Variants in PANK1 observed in about 807,000 individuals in gnomAD.
The protein encoded by PANK1 is pantothenic acid kinase 1.
Under a neutral mutation model 40.1 loss-of-function variants are expected in PANK1, and 18 were observed. That is an observed-to-expected ratio of 0.45 (90% CI 0.31 to 0.67). The LOEUF (loss-of-function observed/expected upper bound fraction) is 0.67. PANK1 is among the 30% of genes least tolerant of loss of function. The probability of loss-of-function intolerance (pLI) is 0.06; values close to 1 mark genes in which losing one functional copy is unlikely to be tolerated. For synonymous variants in PANK1, 242 were observed against 237.7 expected (o/e 1.02, Z -0.17); for missense variants, 457 against 599.6 (o/e 0.76, Z 2.48).
chr10:89,635,179 T>A lies in PANK1; in HGVS notation c.292+9421A>T, dbSNP rs1244621008. ...AGAGATAAAATGTCCTCTATTAATA[T>A]AAATAAGACTGGTATTAATAGTGTC... On this transcript the variant is annotated intron_variant, in intron 1 of 6. Transcript: ENST00000307534. Among the ~76,000 whole-genome samples the A allele has an allele frequency of 3.3e-5, 5 of 152,148 alleles. No individual in the cohort carries two copies. The East Asian group carries it at 9.6e-4, about 29-fold the overall frequency.
chr10:89,588,359 TA>T (rs1298417181), intron 6 of PANK1, among the ~76,000 whole-genome samples: 1 of 152,238 alleles, frequency 6.6e-6, no homozygotes, highest in East Asian at 1.9e-4. Flanking sequence ...GATCATATGG[TA>T]ATTTTATTTT....
At chr10:89,642,595 C>A (rs1841999769) in intron 1 of PANK1, among the ~76,000 whole-genome samples, 1 of 152,204 alleles carries the variant, frequency 6.6e-6, no homozygotes, top group Non-Finnish European at 1.5e-5. Flanking sequence ...CCTAAATATT[C>A]CTCTTAGAGT....
chr10:89,614,090 A>T (rs7076397), intron 1 of PANK1: 1 of 450,608 alleles, frequency 2.2e-6, no homozygotes. Flanking sequence ...AGTCTTTTTC[A>T]GTGGAGTTTT....
chr10:89,617,294 A>G (rs996772144), intron 1 of PANK1, among the ~76,000 whole-genome samples: 1 of 152,268 alleles, frequency 6.6e-6, no homozygotes, highest in African/African-American at 2.4e-5. Flanking sequence ...GAGTGAAGAA[A>G]TGGATTCTGG....
rs1156284456 is a variant in PANK1, at chr10:89,583,368, G to A, written c.*1038C>T. ...AAAAACCTTTAACATTATTAAAGAT[G>A]TGTTGTTACAAAGTTCCTAGATATA... On this transcript the variant is annotated 3_prime_UTR_variant, in exon 7 of 7. Coordinates refer to ENST00000307534, the MANE Select transcript of PANK1 (RefSeq NM_148977.3). 2 of 152,132 alleles carry A rather than the reference G, an allele frequency of 1.3e-5. No individual in the cohort carries two copies. The highest frequency in any genetic ancestry group is 2.4e-5 in the African/African-American group (1 of 41,442). The allele number at this position is 152,132 out of a possible 1,614,324, so 9.4% of individuals were successfully genotyped here. A position where few individuals can be genotyped will look rare whatever the true frequency, so the allele number is the denominator to read the frequency against.
chr10:89,590,809 A>G (rs967889165), intron 5 of PANK1, among the ~76,000 whole-genome samples: 5 of 152,202 alleles, frequency 3.3e-5, no homozygotes, highest in Admixed American at 6.5e-5. Context: ...AGCAAAAGGC[A>G]GTATTTTTAG....
chr10:89,607,959 T>C (rs933859409), intron 2 of PANK1, among the ~76,000 whole-genome samples: 5 of 152,140 alleles, frequency 3.3e-5, no homozygotes, highest in African/African-American at 7.2e-5. Flanking sequence ...CTGTGTTCCA[T>C]TTTGATAACT....
intron 1 of PANK1, among the ~76,000 whole-genome samples, chr10:89,619,144 A>G (rs1229406659): frequency 1.3e-5 from 2 of 152,262 alleles, no homozygotes; most frequent in Non-Finnish European, 2.9e-5. Context: ...ATTTCTTAAA[A>G]TACAAACCAA....
chr10:89,604,332 CCT>C (rs1844876547), intron 2 of PANK1, among the ~76,000 whole-genome samples: 1 of 152,126 alleles, frequency 6.6e-6, no homozygotes, highest in Admixed American at 6.5e-5. Context: ...TTCCAGACCA[CCT>C]CAGTAAAGTG....
At position 89,606,605 on chromosome 10, in the gene PANK1, C is replaced by A. The variant is rs190764210; in HGVS notation, c.645+5091G>T. ...GTGGCACAATCATAGCTCACTGCAA[C>A]CTCTGCCTCCTGGGCTCAAGCGATC... On this transcript the variant is annotated intron_variant, in intron 2 of 6. Coordinates refer to ENST00000307534, the MANE Select transcript of PANK1 (RefSeq NM_148977.3). Among the ~76,000 whole-genome samples the A allele has an allele frequency of 1.4e-3, 169 of 117,806 alleles. 1 individual carries two copies. The highest frequency in any genetic ancestry group is 4.4e-3 in the African/African-American group (160 of 36,762). 77.3% of individuals were successfully genotyped at this position (117,806 alleles called of 152,430 possible). A position where few individuals can be genotyped will look rare whatever the true frequency, so the allele number is the denominator to read the frequency against.
At chr10:89,643,412 T>C (rs1842021102) in intron 1 of PANK1, among the ~76,000 whole-genome samples, 1 of 152,170 alleles carries the variant, frequency 6.6e-6, no homozygotes. Flanking sequence ...GGCTTTAAAG[T>C]TCCACACAAA....
At chr10:89,596,650 A>G (rs1047150865) in intron 3 of PANK1, among the ~76,000 whole-genome samples, 4 of 152,250 alleles carry the variant, frequency 2.6e-5, no homozygotes, top group African/African-American at 9.6e-5. Flanking sequence ...CAGTAGGCAT[A>G]CAGTAAAAAC....
At chr10:89,615,443 TC>T (rs1404116591) in intron 1 of PANK1, among the ~76,000 whole-genome samples, 3 of 152,208 alleles carry the variant, frequency 2.0e-5, no homozygotes, top group Admixed American at 6.5e-5. Flanking sequence ...TCCTCCTGCT[TC>T]ATCTCCTGCT....
intron 5 of PANK1, among the ~76,000 whole-genome samples, chr10:89,589,455 C>T (rs1844304065): frequency 6.6e-6 from 1 of 152,114 alleles, no homozygotes; most frequent in Non-Finnish European, 1.5e-5. Flanking sequence ...CTTCTAGCTC[C>T]AGTGCACTCG....
In PANK1 at chr10:89,595,848, AT is replaced by A. The variant is rs1221209688; in HGVS notation, c.900-1860del. Reference sequence around the variant, plus strand: ...AAAAAAAAAAAATATATATATATATATATATATATATATATATATATATATA... The same window carrying A: ...AAAAAAAAAAAATATATATATATATAATATATATATATATATATATATATA... On this transcript the variant is annotated intron_variant, in intron 3 of 6. Coordinates refer to ENST00000307534, the MANE Select transcript of PANK1 (RefSeq NM_148977.3). Among the ~76,000 whole-genome samples, 122 of 100,674 alleles carry A rather than the reference AT, an allele frequency of 1.2e-3. 7 individuals are homozygous for A. Among genetic ancestry groups the A allele is most frequent in the African/African-American group, 6.6e-3 (122 of 18,368 alleles). The allele number at this position is 100,674 out of a possible 152,430, so 66.0% of individuals were successfully genotyped here.
chr10:89,639,377 A>G (rs1195878822), intron 1 of PANK1: 4 of 279,412 alleles, frequency 1.4e-5, no homozygotes, highest in Non-Finnish European at 3.1e-5. Flanking sequence ...GTTGCATTGG[A>G]GATTACATTT....
rs1291358390 is a variant in PANK1 at position 89,593,847 on chromosome 10, G to A, written c.1042C>T (p.Arg348Ter). ...ACAGCAGATCCTTGAAGGCCAAATC[G>A]TTCATAGTCTCCTCCGTAAATGTCC... ...VKDIYGGDYERFGLQGSAVAS... is the reference protein window; with the variant it reads ...VKDIYGGDYE Residue 348 changes from arginine (R) to a stop codon, truncating the protein, a stop_gained, in exon 4 of 7, where the codon CGA (arginine) becomes TGA (stop). Transcript: ENST00000307534. LOFTEE classifies it high-confidence loss of function. The A allele has an allele frequency of 4.3e-6, 7 of 1,613,848 alleles. No homozygotes were observed. The highest frequency in any genetic ancestry group is 1.1e-5 in the South Asian group (1 of 91,050).
At chr10:89,610,481 A>G (rs1367514068) in intron 2 of PANK1, among the ~76,000 whole-genome samples, 1 of 151,986 alleles carries the variant, frequency 6.6e-6, no homozygotes, top group East Asian at 1.9e-4. Context: ...AAAAACAAAA[A>G]CTGAAGATAA....
chr10:89,635,141 T>A (rs112868981), intron 1 of PANK1, among the ~76,000 whole-genome samples: 1 of 148,758 alleles, frequency 6.7e-6, no homozygotes, highest in Non-Finnish European at 1.5e-5. Flanking sequence ...TATATATATA[T>A]ATAGAGAGAG....
Sources: allele counts gnomAD v4.1 joint callset (sites outside exome capture counted in the v4.1 genomes callset), GRCh38; gene constraint gnomAD v4.1.1; transcripts MANE v1.5; gene names NCBI Gene and HGNC (gene_info 2026-07-23, HGNC 2026-07-21).